Variants in NEDD1 observed in about 807,000 individuals in gnomAD.
The protein encoded by NEDD1 is protein NEDD1.
In NEDD1, 33 loss-of-function variants were observed where a neutral mutation model predicts 74.0. That is an observed-to-expected ratio of 0.45 (90% CI 0.34 to 0.60). NEDD1 has a LOEUF of 0.60. Among genes scored for constraint, NEDD1 ranks in the 20% least tolerant of loss-of-function variants. NEDD1 has a pLI of 0.01. For missense variants in NEDD1, 746 were observed against 776.5 expected, an observed-to-expected ratio of 0.96 and a Z score of 0.47; for synonymous variants, 250 against 264.4, an observed-to-expected ratio of 0.95 and a Z score of 0.53.
At chr12:96,950,393 G>T (rs1331547713) in intron 14 of NEDD1, among the ~76,000 whole-genome samples, 1 of 151,910 alleles carries the variant, frequency 6.6e-6, no homozygotes, top group Non-Finnish European at 1.5e-5. Context: ...GTTACAGTTG[G>T]TTATATCATC....
At chr12:96,940,559 T>A in intron 10 of NEDD1, 22 bp downstream of exon 10, 3 of 1,550,514 alleles carry the variant, frequency 1.9e-6, no homozygotes, top group Non-Finnish European at 2.6e-6. Flanking sequence ...CAGAGGATCC[T>A]GTTCTCTTGC....
intron 5 of NEDD1, among the ~76,000 whole-genome samples, 194 bp downstream of exon 5, chr12:96,917,931 A>T (rs1874646291): frequency 6.6e-6 from 1 of 152,176 alleles, no homozygotes; most frequent in Non-Finnish European, 1.5e-5. Context: ...CATGTGTAGC[A>T]TTAATGCATA....
intron 11 of NEDD1, among the ~76,000 whole-genome samples, 182 bp downstream of exon 11, chr12:96,942,806 C>G (rs1287057844): frequency 6.6e-6 from 1 of 152,194 alleles, no homozygotes; most frequent in Admixed American, 6.6e-5. Context: ...GTCTATCTTC[C>G]TGCTTCAATC....
At chr12:96,932,662 A>G (rs899521999) in intron 6 of NEDD1, among the ~76,000 whole-genome samples, 3 of 150,516 alleles carry the variant, frequency 2.0e-5, no homozygotes, top group Non-Finnish European at 4.4e-5. Flanking sequence ...ATTATCACAG[A>G]AATAATTGGA....
intron 10 of NEDD1, 70 bp downstream of exon 10, chr12:96,940,607 A>C: frequency 9.0e-7 from 1 of 1,117,286 alleles, no homozygotes; most frequent in African/African-American, 1.6e-5. Context: ...AAAGATGTGA[A>C]TAATAGCTTC....
chr12:96,925,294 T>G (rs1287196482), intron 6 of NEDD1, among the ~76,000 whole-genome samples: 1 of 152,184 alleles, frequency 6.6e-6, no homozygotes, highest in Admixed American at 6.5e-5. Context: ...GTGAGAGGAT[T>G]TGGAGAGCAT....
At chr12:96,917,330 T>C (rs1187543468) in intron 4 of NEDD1, among the ~76,000 whole-genome samples, 1 of 152,172 alleles carries the variant, frequency 6.6e-6, no homozygotes, top group Admixed American at 6.5e-5. Flanking sequence ...CAAGCCCTGA[T>C]GGGAGACCAG....
At chr12:96,945,441 A>G (rs780902921) in intron 13 of NEDD1, among the ~76,000 whole-genome samples, 1 of 152,122 alleles carries the variant, frequency 6.6e-6, no homozygotes, top group African/African-American at 2.4e-5. Context: ...AGATTCTTCA[A>G]GATTAATCCC....
At chr12:96,915,435 C>T (rs1005398462) in intron 4 of NEDD1, among the ~76,000 whole-genome samples, 10 of 152,206 alleles carry the variant, frequency 6.6e-5, no homozygotes, top group African/African-American at 1.9e-4. Context: ...GAGGATATTT[C>T]TGAGAAGCAT....
intron 9 of NEDD1, among the ~76,000 whole-genome samples, chr12:96,938,878 T>C (rs1256291394): frequency 6.6e-6 from 1 of 152,028 alleles, no homozygotes; most frequent in African/African-American, 2.4e-5. Flanking sequence ...ACATTGAGAA[T>C]AGTAGACTCA....
chr12:96,936,880 A>T, intron 8 of NEDD1, 68 bp downstream of exon 8: 1 of 940,210 alleles, frequency 1.1e-6, no homozygotes, highest in Non-Finnish European at 1.6e-6. Context: ...TGGAAATTAT[A>T]TGTGGTCAAT....
chr12:96,944,386 T>A (rs1292452719), intron 12 of NEDD1, among the ~76,000 whole-genome samples: 1 of 152,032 alleles, frequency 6.6e-6, no homozygotes, highest in East Asian at 1.9e-4. Flanking sequence ...CTATTTTAAA[T>A]GATACTTAAC....
At chr12:96,947,818 C>T (rs893126808) in intron 14 of NEDD1, among the ~76,000 whole-genome samples, 2 of 152,194 alleles carry the variant, frequency 1.3e-5, no homozygotes, top group African/African-American at 4.8e-5. Context: ...AGAGCTGCTG[C>T]AGCACGTTTG....
intron 4 of NEDD1, 89 bp downstream of exon 4, chr12:96,912,906 A>G: frequency 1.6e-6 from 1 of 640,514 alleles, no homozygotes; most frequent in Non-Finnish European, 2.8e-6. Context: ...GACTAAATAT[A>G]AAGGTTTTTA....
chr12:96,915,828 T>C (rs997877347), intron 4 of NEDD1, among the ~76,000 whole-genome samples: 1 of 152,174 alleles, frequency 6.6e-6, no homozygotes, highest in African/African-American at 2.4e-5. Flanking sequence ...GAAACTGACA[T>C]TCTGGCGGGG....
chr12:96,941,330 T>C (rs1440306356), intron 10 of NEDD1, among the ~76,000 whole-genome samples: 1 of 152,116 alleles, frequency 6.6e-6, no homozygotes, highest in East Asian at 1.9e-4. Flanking sequence ...TTTTTTACTT[T>C]AAAATTGTCT....
intron 9 of NEDD1, 25 bp downstream of exon 9, chr12:96,937,418 G>C: frequency 7.2e-7 from 1 of 1,383,048 alleles, no homozygotes; most frequent in South Asian, 1.5e-5. Context: ...TATATTGTTG[G>C]AGGGTTGGTT....
intron 6 of NEDD1, among the ~76,000 whole-genome samples, chr12:96,928,681 C>CT (rs34575410): frequency 0.034 from 2,947 of 87,566 alleles, 42 homozygotes; most frequent in Non-Finnish European, 0.038. Flanking sequence ...TAGTGTGTTT[C>CT]TTTTTTTTTT....
chr12:96,935,421 G>T (rs1876991243), intron 7 of NEDD1, among the ~76,000 whole-genome samples: 1 of 151,932 alleles, frequency 6.6e-6, no homozygotes, highest in Admixed American at 6.5e-5. Flanking sequence ...TGAACATAGA[G>T]AGATGACATC....
Sources: gnomAD v4.1 joint callset for allele counts (sites outside exome capture counted in the v4.1 genomes callset) on GRCh38, gnomAD v4.1.1 for gene constraint, MANE v1.5 for transcripts, NCBI Gene and HGNC (gene_info 2026-07-23, HGNC 2026-07-21) for gene names.